The following HGS variants were observed in gnomAD, a reference collection of about 807,000 sequenced individuals.
HGS encodes hepatocyte growth factor-regulated tyrosine kinase substrate, also known as human growth factor-regulated tyrosine kinase substrate.
HGS carries 63 observed loss-of-function variants against 109.7 expected under a neutral mutation model. The ratio of observed to expected loss-of-function variants is 0.57; its 90% CI spans 0.47 to 0.71. The LOEUF (loss-of-function observed/expected upper bound fraction) is 0.71, where lower values mean the gene tolerates loss of function less well. Ranked by LOEUF, HGS falls within the 30% of genes least tolerant of loss-of-function variation. HGS has a pLI of 0.00. For missense variants in HGS, 995 were observed against 1,068.3 expected, an observed-to-expected ratio of 0.93 and a Z score of 0.96; for synonymous variants, 546 against 437.3, an observed-to-expected ratio of 1.25 and a Z score of -3.10.
chr17:81,701,304 C>A (rs1001578566), intron 21 of HGS, 173 bp downstream of exon 21: 2 of 781,616 alleles, frequency 2.6e-6, no homozygotes, highest in Middle Eastern at 3.6e-4. Context: ...AGTCTCAGGG[C>A]AGATACGCGC....
chr17:81,685,591 AT>A lies in HGS; in HGVS notation c.38-10del. On this transcript the variant is annotated splice_polypyrimidine_tract_variant and intron_variant, in intron 1 of 21. Transcript: ENST00000329138. The stretch of plus-strand genomic sequence containing the variant: ...CAGGATAACCCCTCCCTTTCATGGC[AT>A]TTTCTCTCTCAGACAAGGCGACCAG... 1 of 1,601,850 alleles carries A rather than the reference AT, an allele frequency of 6.2e-7. No homozygotes were observed. The highest frequency in any genetic ancestry group is 1.3e-5 in the African/African-American group (1 of 74,504).
chr17:81,688,892 G>T, intron 5 of HGS, 65 bp downstream of exon 5: 2 of 1,600,394 alleles, frequency 1.2e-6, no homozygotes, highest in South Asian at 2.2e-5. Context: ...AGGCTCAACG[G>T]GCACAGTGGC....
At chr17:81,697,745 T>C (rs1444804383) in intron 18 of HGS, 1 of 152,222 alleles carries the variant, frequency 6.6e-6, no homozygotes, top group African/African-American at 2.4e-5. Context: ...GCTGTTGTCT[T>C]TCCACTGGCG....
intron 1 of HGS, chr17:81,684,919 A>C: frequency 1.0e-6 from 1 of 985,404 alleles, no homozygotes; most frequent in Non-Finnish European, 1.2e-6. Context: ...GGATGAATCC[A>C]GAGGTTAACT....
Position 81,687,018 on chromosome 17 carries a change from G to A in HGS, c.214G>A (p.Val72Ile), listed in dbSNP as rs1401305072. Reference protein sequence around the residue: ...LYALEVMESVVKNCGQTVHDE... With the variant: ...LYALEVMESVIKNCGQTVHDE... ...GCATCTGCAGGTCATGGAATCTGTG[G>A]TAAAGAACTGTGGCCAGACAGTTCA... Residue 72 changes from valine (V) to isoleucine (I), a missense_variant, in exon 4 of 22, where the codon GTA (valine) becomes ATA (isoleucine). Val to Ile is a conservative substitution (Grantham distance 29, BLOSUM62 3). Transcript: ENST00000329138. The A allele has an allele frequency of 6.2e-7, 1 of 1,613,174 alleles. No individual in the cohort carries two copies.
At chr17:81,696,246 G>A (rs1036741981) in intron 15 of HGS, 111 bp from the exon 16 acceptor site, 261 of 1,334,646 alleles carry the variant, frequency 2.0e-4, no homozygotes, top group Non-Finnish European at 2.4e-4. Context: ...CACCTTCAGA[G>A]CCCTCTGCAG....
rs1394643160 is a variant in HGS, at chr17:81,701,826, C to T, written c.*208C>T. On this transcript the variant is annotated 3_prime_UTR_variant, in exon 22 of 22. Transcript: ENST00000329138. ...TAGTCTCTGCTTTCTTTCCCCAGGGCTGGGCCATGGGGAGGGAAGGACTTT... is the reference window on the plus strand; with the variant it reads ...TAGTCTCTGCTTTCTTTCCCCAGGGTTGGGCCATGGGGAGGGAAGGACTTT... 7 of 699,826 alleles carry T rather than the reference C, an allele frequency of 1.0e-5. No homozygotes were observed. In the East Asian group the frequency reaches 2.0e-4, roughly 20 times the overall value. The allele number at this position is 699,826 out of a possible 1,614,324, so 43.4% of individuals were successfully genotyped here. A position where few individuals can be genotyped will look rare whatever the true frequency, so the allele number is the denominator to read the frequency against.
Position 81,693,771 on chromosome 17 carries a change from G to C in HGS, c.840+19G>C. 1 of 1,538,026 alleles carries C rather than the reference G, an allele frequency of 6.5e-7. No homozygotes were observed. Among genetic ancestry groups the C allele is most frequent in the Non-Finnish European group, 8.7e-7 (1 of 1,144,794 alleles). On this transcript the variant is annotated intron_variant, in intron 10 of 21. Coordinates refer to ENST00000329138, the MANE Select transcript of HGS (RefSeq NM_004712.5). The stretch of plus-strand genomic sequence containing the variant: ...GAGGCTGGTAAGCCGGGTGGGGCGG[G>C]GCGGCCTCAGGAGGGGCCCAGCTCC...
intron 7 of HGS, 181 bp downstream of exon 7, chr17:81,690,923 T>C: frequency 1.8e-6 from 1 of 562,102 alleles, no homozygotes; most frequent in Non-Finnish European, 3.1e-6. Context: ...CGTAAGGGCC[T>C]GATGCCACTG....
At chr17:81,697,026 G>T (rs776780401) in intron 18 of HGS, 28 bp downstream of exon 18, 1 of 1,525,932 alleles carries the variant, frequency 6.6e-7, no homozygotes, top group Non-Finnish European at 8.8e-7. Context: ...CAGAGACCAT[G>T]CCTTTTATCC....
At chr17:81,700,945 G>A (rs2037228081) in intron 20 of HGS, 100 bp from the exon 21 acceptor site, 1 of 1,523,224 alleles carries the variant, frequency 6.6e-7, no homozygotes, top group East Asian at 2.3e-5. Flanking sequence ...CACTCTCTGG[G>A]TGCTCCCTGT....
intron 4 of HGS, among the ~76,000 whole-genome samples, chr17:81,688,004 G>A (rs912002768): frequency 6.6e-6 from 1 of 152,240 alleles, no homozygotes; most frequent in African/African-American, 2.4e-5. Context: ...CAGATCCTGA[G>A]CCGGTTCGCT....
intron 6 of HGS, 102 bp downstream of exon 6, chr17:81,690,336 C>T: frequency 8.2e-7 from 1 of 1,219,140 alleles, no homozygotes; most frequent in South Asian, 1.3e-5. Context: ...TGGCTGAGCT[C>T]TCGTCTGTCT....
intron 3 of HGS, 77 bp downstream of exon 3, chr17:81,686,464 T>C: frequency 9.3e-7 from 1 of 1,071,888 alleles, no homozygotes; most frequent in Non-Finnish European, 1.4e-6. Flanking sequence ...GAAGAGTTTG[T>C]CCTGTGGCCT....
rs750886187 is a variant in HGS, at chr17:81,700,485, C to T, written c.1901C>T (p.Ala634Val). 3 of 1,589,384 alleles carry T rather than the reference C, an allele frequency of 1.9e-6. No homozygotes were observed. The highest frequency in any genetic ancestry group is 1.7e-4 in the Middle Eastern group (1 of 5,956). ...GTCACAGATCCCAGCATGGTGAGTG[C>T]CTACATGTACCCAGCAGGGGCCACT... The part of the protein sequence containing the change: ...STAADPSMVS[A>V]YMYPAGATGA... The change falls in exon 19 of 22, where the codon GCC (alanine) becomes GTC (valine). Residue 634 changes from alanine (A) to valine (V), a missense_variant. Ala to Val is a moderately conservative substitution (Grantham distance 64). This residue lies in a region of HGS where 326 missense variants were observed against 309.7 expected (regional missense o/e 1.05). Coordinates refer to ENST00000329138, the MANE Select transcript of HGS (RefSeq NM_004712.5).
At chr17:81,684,725 A>G (rs77284672) in intron 1 of HGS, among the ~76,000 whole-genome samples, 2,708 of 152,300 alleles carry the variant, frequency 0.018, 29 homozygotes, top group Non-Finnish European at 0.024. Context: ...GCACGTGCCC[A>G]GCAGCACGTG....
intron 14 of HGS, 66 bp from the exon 15 acceptor site, chr17:81,695,720 C>G: frequency 1.3e-6 from 2 of 1,481,824 alleles, no homozygotes; most frequent in Non-Finnish European, 1.9e-6. Flanking sequence ...GCCTCCATCC[C>G]AGGCCCCACC....
At chr17:81,685,883 C>A (rs939008784) in intron 2 of HGS, among the ~76,000 whole-genome samples, 194 bp downstream of exon 2, 4 of 152,180 alleles carry the variant, frequency 2.6e-5, no homozygotes, top group African/African-American at 9.7e-5. Context: ...CTTGCAGATA[C>A]CTGGTTATGT....
intron 18 of HGS, among the ~76,000 whole-genome samples, chr17:81,699,150 A>G (rs1371209238): frequency 6.6e-6 from 1 of 152,226 alleles, no homozygotes; most frequent in Admixed American, 6.5e-5. Context: ...ATTGTTTTCA[A>G]TATACTCAAT....
Sources: gnomAD v4.1 joint callset for allele counts (sites outside exome capture counted in the v4.1 genomes callset) on GRCh38, gnomAD v4.1.1 for gene constraint, gnomAD v4.1.1 regional missense constraint, MANE v1.5 for transcripts, NCBI Gene and HGNC (gene_info 2026-07-23, HGNC 2026-07-21) for gene names.